Variants in GLMN observed in about 807,000 individuals in gnomAD.
GLMN encodes the protein glomulin.
Under a neutral mutation model 87.8 loss-of-function variants are expected in GLMN, and 75 were observed. That is an observed-to-expected ratio of 0.85 (90% CI 0.71 to 1.04). The LOEUF is 1.04. Among genes scored for constraint, GLMN ranks in the 50% least tolerant of loss-of-function variants. GLMN has a pLI of 0.00. For missense variants in GLMN, 588 were observed against 658.8 expected (o/e 0.89, Z 1.18); for synonymous variants, 206 against 221.6 (o/e 0.93, Z 0.63).
chr1:92,294,262 A>T lies in GLMN; in HGVS notation c.166-2725T>A, dbSNP rs543497890. 7.4e-4 allele frequency among the ~76,000 whole-genome samples: 113 copies of T among 152,076 alleles called. 1 individual carries two copies. Among genetic ancestry groups the T allele is most frequent in the South Asian group, 1.7e-3 (8 of 4,810 alleles). ...TACCCACAAAAATTAGAATTTTTTT[A>T]AAAAAAATCTGATCTAGGAAGAAGA... On this transcript the variant is annotated intron_variant, in intron 3 of 18. Coordinates refer to ENST00000370360, the MANE Select transcript of GLMN (RefSeq NM_053274.3).
chr1:92,322,960 TTATA>T, the GLMN span, among the ~76,000 whole-genome samples: 1 of 147,420 alleles, frequency 6.8e-6, no homozygotes, highest in African/African-American at 2.5e-5. Flanking sequence ...ATAATATACA[TTATA>T]TATGTACAAG....
chr1:92,247,277 T>C (rs1193822742), intron 17 of GLMN, 133 bp from the exon 18 acceptor site: 44 of 702,080 alleles, frequency 6.3e-5, no homozygotes, highest in Non-Finnish European at 1.1e-4. Context: ...GTTTAACAGC[T>C]CAGGGTATAC....
At chr1:92,282,792 G>A (rs12070249) in intron 7 of GLMN, among the ~76,000 whole-genome samples, 2,524 of 152,158 alleles carry the variant, frequency 0.017, 88 homozygotes, top group African/African-American at 0.058. Context: ...TGATAAAGGG[G>A]ATATCACCAC....
the GLMN span, among the ~76,000 whole-genome samples, chr1:92,366,588 A>G: frequency 6.6e-6 from 1 of 152,280 alleles, no homozygotes; most frequent in East Asian, 1.9e-4. Context: ...GTGTCTCACT[A>G]ATGGAGTTGA....
intron 16 of GLMN, among the ~76,000 whole-genome samples, chr1:92,251,138 C>T (rs944698714): frequency 6.6e-6 from 1 of 152,014 alleles, no homozygotes; most frequent in Admixed American, 6.5e-5. Context: ...TTAAAAATAG[C>T]CAATACAATT....
At chr1:92,250,732 T>G (rs1653364760) in intron 16 of GLMN, among the ~76,000 whole-genome samples, 1 of 152,176 alleles carries the variant, frequency 6.6e-6, no homozygotes, top group Non-Finnish European at 1.5e-5. Flanking sequence ...CAGAAAGATT[T>G]TTACATAATC....
upstream of GLMN, among the ~76,000 whole-genome samples, chr1:92,299,384 C>T (rs1327436398): frequency 1.3e-5 from 2 of 152,286 alleles, no homozygotes; most frequent in East Asian, 3.9e-4. Context: ...GTGGCCCCAG[C>T]CTCTGAGACA....
the GLMN span, among the ~76,000 whole-genome samples, chr1:92,327,562 A>G: frequency 6.6e-6 from 1 of 152,210 alleles, no homozygotes; most frequent in South Asian, 2.1e-4. Context: ...GTGTCAGGTG[A>G]GTCCCTTGAA....
At chr1:92,288,043 T>C (rs980304952) in intron 6 of GLMN, among the ~76,000 whole-genome samples, 8 of 150,514 alleles carry the variant, frequency 5.3e-5, no homozygotes, top group Admixed American at 5.3e-4. Flanking sequence ...ACTGTTTTTT[T>C]TTTTTAAATA....
In GLMN at chr1:92,288,907, T is replaced by G. The variant is rs748041698; in HGVS notation, c.632+7A>C. 1.5e-6 allele frequency: 2 copies of G among 1,323,442 alleles called. No homozygotes were observed. The highest frequency in any genetic ancestry group is 2.9e-5 in the African/African-American group (2 of 69,280). 82.0% of individuals were successfully genotyped at this position (1,323,442 alleles called of 1,614,324 possible). A position where few individuals can be genotyped will look rare whatever the true frequency, so the allele number is the denominator to read the frequency against. ...CCACTGTGAGATGTTCTTAAAATTA[T>G]ACTTACAATTTCAGTAATTCATCCT... On this transcript the variant is annotated splice_region_variant and intron_variant, in intron 6 of 18. Coordinates refer to ENST00000370360, the MANE Select transcript of GLMN (RefSeq NM_053274.3).
At chr1:92,279,929 G>C (rs1429638537) in intron 7 of GLMN, among the ~76,000 whole-genome samples, 2 of 152,230 alleles carry the variant, frequency 1.3e-5, no homozygotes, top group East Asian at 1.9e-4. Flanking sequence ...TGAGGCTTGA[G>C]TAGCTCACAG....
At chr1:92,269,819 C>T (rs771690916) in intron 8 of GLMN, 43 bp from the exon 9 acceptor site, 2 of 1,202,338 alleles carry the variant, frequency 1.7e-6, no homozygotes, top group South Asian at 2.4e-5. Flanking sequence ...TACACACACA[C>T]AGAGATATGT....
At chr1:92,324,071 G>T in the GLMN span, 1 of 1,613,942 alleles carries the variant, frequency 6.2e-7, no homozygotes, top group African/African-American at 1.3e-5. Flanking sequence ...GAAACATTGA[G>T]GTTTTTGTAT....
the GLMN span, among the ~76,000 whole-genome samples, chr1:92,353,586 G>C: frequency 6.6e-6 from 1 of 151,900 alleles, no homozygotes; most frequent in African/African-American, 2.4e-5. Flanking sequence ...AGTAGCTACT[G>C]GTATTCTTTT....
At chr1:92,369,585 A>G in the GLMN span, among the ~76,000 whole-genome samples, 1 of 152,160 alleles carries the variant, frequency 6.6e-6, no homozygotes, top group Non-Finnish European at 1.5e-5. Context: ...GATTGCAGGT[A>G]TAAGTCACCA....
intron 8 of GLMN, 136 bp downstream of exon 8, chr1:92,271,329 T>C (rs535154908): frequency 2.8e-6 from 2 of 724,320 alleles, no homozygotes; most frequent in Non-Finnish European, 2.4e-6. Flanking sequence ...GCTGGGATCA[T>C]TCTTATTAAA....
chr1:92,349,035 T>C, the GLMN span, among the ~76,000 whole-genome samples: 11 of 152,236 alleles, frequency 7.2e-5, 1 homozygote, highest in East Asian at 2.1e-3. Flanking sequence ...CCTTTCAGCC[T>C]TTTAGCTTAT....
chr1:92,277,360 CAT>C (rs1228205859), intron 7 of GLMN, among the ~76,000 whole-genome samples: 1 of 152,170 alleles, frequency 6.6e-6, no homozygotes, highest in Non-Finnish European at 1.5e-5. Flanking sequence ...GATACTGTGA[CAT>C]ATATATTTGC....
chr1:92,300,176 A>G (rs1362085513), upstream of GLMN: 6 of 1,582,440 alleles, frequency 3.8e-6, no homozygotes, highest in African/African-American at 5.4e-5. Flanking sequence ...GTAGCACATG[A>G]CTGTATTTTT....
Sources: allele counts gnomAD v4.1 joint callset (sites outside exome capture counted in the v4.1 genomes callset), GRCh38; gene constraint gnomAD v4.1.1; transcripts MANE v1.5; gene names NCBI Gene and HGNC (gene_info 2026-07-23, HGNC 2026-07-21).